HTR1F: variants seen among roughly 807,000 people sequenced by gnomAD.
The protein encoded by HTR1F is 5-hydroxytryptamine (serotonin) receptor 1F, G protein-coupled.
A neutral mutation model predicts 24.0 loss-of-function variants in HTR1F; 17 were observed. The observed-to-expected ratio is 0.71, with a 90% CI of 0.48 to 1.06. The LOEUF (loss-of-function observed/expected upper bound fraction) is 1.06, where lower values mean the gene tolerates loss of function less well. HTR1F is among the 50% of genes least tolerant of loss of function. The pLI is 0.00. For missense variants in HTR1F, 391 were observed against 427.8 expected, an observed-to-expected ratio of 0.91 and a Z score of 0.76; for synonymous variants, 186 against 156.8, an observed-to-expected ratio of 1.19 and a Z score of -1.39.
At chr3:87,931,937 G>C (rs1177259976) in intron 2 of HTR1F, among the ~76,000 whole-genome samples, 5 of 152,044 alleles carry the variant, frequency 3.3e-5, no homozygotes, top group Non-Finnish European at 7.4e-5. Context: ...GTAGATTCTG[G>C]ATATTAGCCC....
intron 2 of HTR1F, among the ~76,000 whole-genome samples, chr3:87,981,687 A>G (rs1705547700): frequency 6.6e-6 from 1 of 152,210 alleles, no homozygotes; most frequent in African/African-American, 2.4e-5. Context: ...AACAAAGCAA[A>G]TAGTACAACC....
chr3:87,873,898 C>T (rs1353465946), intron 2 of HTR1F, among the ~76,000 whole-genome samples: 3 of 152,142 alleles, frequency 2.0e-5, no homozygotes, highest in Middle Eastern at 3.4e-3. Flanking sequence ...TCAATAGATA[C>T]AGAAAATGTA....
Position 87,820,949 on chromosome 3 carries a change from A to G in HTR1F, c.-159-1059A>G, listed in dbSNP as rs1160508454. Among the ~76,000 whole-genome samples the G allele has an allele frequency of 2.0e-5, 3 of 152,172 alleles. 1 individual carries two copies. The highest frequency in any genetic ancestry group is 4.1e-4 in the South Asian group (2 of 4,824). ...AGTCAGTCAGTAAGTATTCTTGAAT[A>G]TGTCAAATCAACTATCTTTCAACTG... On this transcript the variant is annotated intron_variant, in intron 1 of 2. Coordinates refer to ENST00000319595, the MANE Select transcript of HTR1F (RefSeq NM_001322209.2).
chr3:87,985,659 A>C (rs908756562), intron 2 of HTR1F, among the ~76,000 whole-genome samples: 1 of 152,260 alleles, frequency 6.6e-6, no homozygotes, highest in Non-Finnish European at 1.5e-5. Flanking sequence ...TATTCTAATT[A>C]AAACAGCCAA....
intron 2 of HTR1F, among the ~76,000 whole-genome samples, chr3:87,906,610 G>A (rs1179631757): frequency 1.3e-5 from 2 of 151,600 alleles, no homozygotes; most frequent in African/African-American, 2.4e-5. Context: ...GTTCTTTCAT[G>A]GTGATTTCTG....
intron 1 of HTR1F, among the ~76,000 whole-genome samples, chr3:87,810,259 G>A (rs1704138483): frequency 6.6e-6 from 1 of 152,090 alleles, no homozygotes; most frequent in African/African-American, 2.4e-5. Flanking sequence ...CTTATAGCCT[G>A]ACAGGAAGTG....
At chr3:87,831,121 A>G (rs1361911347) in intron 2 of HTR1F, among the ~76,000 whole-genome samples, 2 of 151,926 alleles carry the variant, frequency 1.3e-5, no homozygotes, top group African/African-American at 2.4e-5. Flanking sequence ...GGCTCCTGGT[A>G]GTGTGGGGTC....
At chr3:87,840,173 A>G (rs1204574779) in intron 2 of HTR1F, among the ~76,000 whole-genome samples, 1 of 152,024 alleles carries the variant, frequency 6.6e-6, no homozygotes, top group African/African-American at 2.4e-5. Flanking sequence ...GTGTTTGTTC[A>G]TGTCCTTTGT....
intron 2 of HTR1F, among the ~76,000 whole-genome samples, chr3:87,825,397 C>T (rs754651609): frequency 4.6e-5 from 7 of 152,172 alleles, no homozygotes; most frequent in African/African-American, 1.2e-4. Flanking sequence ...CTTCTCTCTC[C>T]TAAGTCTAAT....
chr3:87,943,833 T>A (rs994139828), intron 2 of HTR1F, among the ~76,000 whole-genome samples: 3 of 152,184 alleles, frequency 2.0e-5, no homozygotes, highest in African/African-American at 4.8e-5. Flanking sequence ...TGCAGAAGAA[T>A]ATAAATCATT....
At chr3:87,882,163 T>C (rs1054551363) in intron 2 of HTR1F, among the ~76,000 whole-genome samples, 26 of 152,176 alleles carry the variant, frequency 1.7e-4, no homozygotes, top group East Asian at 7.7e-4. Flanking sequence ...CAATGAGATA[T>C]CATCTCACAC....
intron 2 of HTR1F, among the ~76,000 whole-genome samples, chr3:87,883,617 G>A (rs1705862743): frequency 6.6e-6 from 1 of 152,102 alleles, no homozygotes; most frequent in African/African-American, 2.4e-5. Context: ...TTAGACAAAT[G>A]GCTAACTAGA....
chr3:87,823,251 C>T (rs1257843200), intron 2 of HTR1F, among the ~76,000 whole-genome samples: 2 of 152,144 alleles, frequency 1.3e-5, no homozygotes, highest in Non-Finnish European at 2.9e-5. Flanking sequence ...TAATTCTATA[C>T]ATTAGATTTT....
chr3:87,810,500 A>C (rs961153687), intron 1 of HTR1F, among the ~76,000 whole-genome samples: 4 of 151,980 alleles, frequency 2.6e-5, no homozygotes, highest in African/African-American at 9.7e-5. Context: ...TCTTTGACCC[A>C]TTCACTCAGG....
At chr3:87,860,005 CAT>C (rs1215448362) in intron 2 of HTR1F, among the ~76,000 whole-genome samples, 2 of 152,214 alleles carry the variant, frequency 1.3e-5, no homozygotes, top group Non-Finnish European at 2.9e-5. Context: ...AAGGCAGAAA[CAT>C]GAGCATTTAA....
intron 2 of HTR1F, among the ~76,000 whole-genome samples, chr3:87,843,002 C>A (rs751845812): frequency 2.0e-5 from 3 of 151,804 alleles, no homozygotes; most frequent in Non-Finnish European, 1.5e-5. Flanking sequence ...TTTCCCAGTT[C>A]GGACAAGCTT....
At chr3:87,909,614 G>C (rs1278775786) in intron 2 of HTR1F, among the ~76,000 whole-genome samples, 1 of 151,946 alleles carries the variant, frequency 6.6e-6, no homozygotes, top group African/African-American at 2.4e-5. Context: ...AATAAGTTCA[G>C]CTGCATAAAA....
At position 87,991,795 on chromosome 3, in the gene HTR1F, T is replaced by C. The variant is rs748771062; in HGVS notation, c.1046T>C (p.Ile349Thr). 6.2e-7 allele frequency: 1 copy of C among 1,604,350 alleles called. No individual in the cohort carries two copies. The highest frequency in any genetic ancestry group is 1.1e-5 in the South Asian group (1 of 88,750). Residue 349 changes from isoleucine to threonine, a missense_variant, in exon 3 of 3, where the codon ATC (isoleucine) becomes ACC (threonine). By Grantham distance (89) the Ile-to-Thr change is moderately conservative. Transcript: ENST00000319595. ...CTTATAAATCCACTGATTTACACAA[T>C]CTTTAATGAAGACTTCAAGAAAGCA... Reference protein sequence around the residue: ...NSLINPLIYTIFNEDFKKAFQ... With the variant: ...NSLINPLIYTTFNEDFKKAFQ...
chr3:87,964,118 C>T (rs1012905707), intron 2 of HTR1F, among the ~76,000 whole-genome samples: 2 of 152,100 alleles, frequency 1.3e-5, no homozygotes, highest in African/African-American at 2.4e-5. Flanking sequence ...AATTGGCTGC[C>T]GGGTGCTTTA....
Sources: allele counts gnomAD v4.1 joint callset (sites outside exome capture counted in the v4.1 genomes callset), GRCh38; gene constraint gnomAD v4.1.1; transcripts MANE v1.5; gene names NCBI Gene and HGNC (gene_info 2026-07-23, HGNC 2026-07-21).